OCA2: variants seen among roughly 807,000 people sequenced by gnomAD.
OCA2 encodes the protein OCA2 melanosomal transmembrane protein, also known as P protein.
In OCA2, 77 loss-of-function variants were observed where a neutral mutation model predicts 100.2. That is an observed-to-expected ratio of 0.77 (90% CI 0.64 to 0.93). OCA2 has a LOEUF of 0.93. Ranked by LOEUF, OCA2 falls within the 40% of genes least tolerant of loss-of-function variation. The pLI is 0.00. For synonymous variants in OCA2, 432 were observed against 439.2 expected, an observed-to-expected ratio of 0.98 and a Z score of 0.21; for missense variants, 1,062 against 1,089.1, an observed-to-expected ratio of 0.98 and a Z score of 0.35.
In OCA2 at chr15:27,871,219, G is replaced by A; in HGVS notation, c.2179C>T (p.Leu727=). The part of the protein sequence containing the change: ...EEQRLIAAIV[L]VVWVSALASS... The stretch of plus-strand genomic sequence containing the variant: ...GCCAGGGCTGAGACCCACACCACCA[G>A]GACAATGGCGGCTATGAGGCGCTGC... The change falls in exon 21 of 24, where the codon CTG becomes TTG. Residue 727 remains leucine (L), a synonymous_variant. Coordinates refer to ENST00000354638, the MANE Select transcript of OCA2 (RefSeq NM_000275.3). 2 of 1,614,142 alleles carry A rather than the reference G, an allele frequency of 1.2e-6. No individual in the cohort carries two copies. Among genetic ancestry groups the A allele is most frequent in the Non-Finnish European group, 1.7e-6 (2 of 1,180,014 alleles).
Position 27,984,110 on chromosome 15 carries a change from A to G in OCA2, c.1365-627T>C, listed in dbSNP as rs116570372. ...ATATCAATCTGTTCTTTACCCTGGG[A>G]GCATTCCAGTTATTCTCTTCTAGCT... On this transcript the variant is annotated intron_variant, in intron 13 of 23. Coordinates refer to ENST00000354638, the MANE Select transcript of OCA2 (RefSeq NM_000275.3). Among the ~76,000 whole-genome samples the G allele has an allele frequency of 8.9e-3, 1,348 of 151,952 alleles. 28 individuals carry two copies. The highest frequency in any genetic ancestry group is 0.03 in the African/African-American group (1,254 of 41,372).
At chr15:27,793,613 G>A (rs961602820) in intron 23 of OCA2, among the ~76,000 whole-genome samples, 3 of 152,178 alleles carry the variant, frequency 2.0e-5, no homozygotes, top group African/African-American at 7.2e-5. Flanking sequence ...CTCCGGCACC[G>A]TAGCCTTCAG....
chr15:27,983,218 G>T, intron 14 of OCA2, 127 bp downstream of exon 14: 1 of 1,159,356 alleles, frequency 8.6e-7, no homozygotes, highest in Non-Finnish European at 1.3e-6. Context: ...GAGATGCCCA[G>T]TAGCACTTAC....
At chr15:27,855,381 G>A (rs1407297664) in intron 21 of OCA2, among the ~76,000 whole-genome samples, 2 of 152,218 alleles carry the variant, frequency 1.3e-5, no homozygotes, top group African/African-American at 4.8e-5. Flanking sequence ...ACACACTACA[G>A]TCTTCACAGG....
At chr15:27,904,938 C>A (rs1028959868) in intron 19 of OCA2, among the ~76,000 whole-genome samples, 1 of 152,126 alleles carries the variant, frequency 6.6e-6, no homozygotes, top group Admixed American at 6.5e-5. Flanking sequence ...CCAAGGCAGG[C>A]GGATCACCTG....
the OCA2 span, among the ~76,000 whole-genome samples, chr15:27,726,051 C>G: frequency 6.6e-6 from 1 of 151,926 alleles, no homozygotes; most frequent in East Asian, 1.9e-4. Context: ...AATCCCAGCA[C>G]TTTGGGAGCC....
intron 6 of OCA2, among the ~76,000 whole-genome samples, chr15:28,021,911 C>T (rs1202329757): frequency 6.6e-6 from 1 of 152,176 alleles, no homozygotes; most frequent in African/African-American, 2.4e-5. Context: ...TAGTGCACCG[C>T]AGGTTGCCAC....
At position 27,796,039 on chromosome 15, in the gene OCA2, G is replaced by T. The variant is rs2033314876; in HGVS notation, c.2433-40567C>A. Among the ~76,000 whole-genome samples, 3 of 152,188 alleles carry T rather than the reference G, an allele frequency of 2.0e-5. No individual in the cohort carries two copies. The South Asian group carries it at 6.2e-4, about 32-fold the overall frequency. Reference sequence around the variant, plus strand: ...ATAATTGAGTTTGTTTTTAATGCTTGTGCACCACTACCAGCCTGGTTACGT... The same window carrying T: ...ATAATTGAGTTTGTTTTTAATGCTTTTGCACCACTACCAGCCTGGTTACGT... On this transcript the variant is annotated intron_variant, in intron 23 of 23. Transcript: ENST00000354638.
chr15:28,091,879 C>T (rs894624074), intron 1 of OCA2, among the ~76,000 whole-genome samples: 4 of 152,130 alleles, frequency 2.6e-5, no homozygotes, highest in Non-Finnish European at 5.9e-5. Context: ...TCATTTAAAT[C>T]CAGGAGGCGG....
chr15:27,752,813 C>CGA (rs1566935214), downstream of OCA2, among the ~76,000 whole-genome samples: 2 of 110,494 alleles, frequency 1.8e-5, no homozygotes, highest in Non-Finnish European at 3.7e-5. Context: ...CCCCCCCCCC[C>CGA]CCCAGAGGCC....
chr15:27,947,685 G>A lies in OCA2; in HGVS notation c.1951+4099C>T, dbSNP rs147656591. On this transcript the variant is annotated intron_variant, in intron 18 of 23. Coordinates refer to ENST00000354638, the MANE Select transcript of OCA2 (RefSeq NM_000275.3). ...GAAGGAGCTATGACCAATGGGCCAT[G>A]CGCACCAGCCAGTAAACATTCCTTC... is the stretch of plus-strand genomic sequence containing the variant. Among the ~76,000 whole-genome samples the A allele has an allele frequency of 1.5e-3, 225 of 152,312 alleles. 1 individual carries two copies. The highest frequency in any genetic ancestry group is 5.0e-3 in the African/African-American group (207 of 41,574).
chr15:27,847,754 C>A (rs928431963), intron 22 of OCA2, among the ~76,000 whole-genome samples: 3 of 152,236 alleles, frequency 2.0e-5, no homozygotes, highest in Admixed American at 6.5e-5. Flanking sequence ...GTAAGCTGAG[C>A]AAATCTGCCA....
the OCA2 span, among the ~76,000 whole-genome samples, chr15:27,740,038 TTGAG>T: frequency 1.3e-5 from 2 of 152,212 alleles, no homozygotes; most frequent in Admixed American, 6.5e-5. Context: ...TTTTTTGTGA[TTGAG>T]TAATAAAACA....
chr15:27,744,791 AC>A, the OCA2 span, among the ~76,000 whole-genome samples: 1 of 152,056 alleles, frequency 6.6e-6, no homozygotes, highest in Non-Finnish European at 1.5e-5. Flanking sequence ...TGACTGATGG[AC>A]CCCTCTCTTG....
intron 3 of OCA2, among the ~76,000 whole-genome samples, chr15:28,029,219 G>GA (rs1211729717): frequency 3.3e-5 from 5 of 152,160 alleles, no homozygotes; most frequent in African/African-American, 7.2e-5. Flanking sequence ...GGTTCACAAG[G>GA]AAAAAATGTT....
intron 2 of OCA2, among the ~76,000 whole-genome samples, chr15:28,046,493 G>A (rs899174918): frequency 6.6e-6 from 1 of 152,182 alleles, no homozygotes; most frequent in Non-Finnish European, 1.5e-5. Context: ...TGGGAGGACA[G>A]GAAAGGGAGG....
At chr15:27,954,979 G>C (rs1199378887) in intron 17 of OCA2, among the ~76,000 whole-genome samples, 179 bp downstream of exon 17, 8 of 152,216 alleles carry the variant, frequency 5.3e-5, no homozygotes. Context: ...AAATCAGCCT[G>C]CTGTATCCAG....
intron 2 of OCA2, among the ~76,000 whole-genome samples, chr15:28,042,445 G>A (rs2043231148): frequency 6.8e-6 from 1 of 146,520 alleles, no homozygotes; most frequent in Non-Finnish European, 1.5e-5. Flanking sequence ...TGGCCAACAT[G>A]AGGAAACCCT....
the OCA2 span, among the ~76,000 whole-genome samples, chr15:27,736,178 T>C: frequency 6.6e-6 from 1 of 152,184 alleles, no homozygotes; most frequent in South Asian, 2.1e-4. Flanking sequence ...ATATTAAAAT[T>C]ATTATTTTGA....
Sources: allele counts gnomAD v4.1 joint callset (sites outside exome capture counted in the v4.1 genomes callset), GRCh38; gene constraint gnomAD v4.1.1; transcripts MANE v1.5; gene names NCBI Gene and HGNC (gene_info 2026-07-23, HGNC 2026-07-21).